Variants in TMEM196 observed in about 807,000 individuals in gnomAD.
TMEM196 encodes the protein transmembrane protein 196.
In TMEM196, 17 loss-of-function variants were observed where a neutral mutation model predicts 20.0. The observed-to-expected ratio is 0.85, with a 90% CI of 0.58 to 1.27. The LOEUF (loss-of-function observed/expected upper bound fraction) is 1.27, where lower values mean the gene tolerates loss of function less well. Among genes scored for constraint, TMEM196 ranks in the 50% most tolerant of loss-of-function variants. The pLI, the probability that TMEM196 is intolerant of heterozygous loss-of-function variation, is 0.00. For synonymous variants in TMEM196, 113 were observed against 88.9 expected (o/e 1.27, Z -1.52); for missense variants, 267 against 223.0 (o/e 1.20, Z -1.26).
intron 1 of TMEM196, among the ~76,000 whole-genome samples, chr7:19,754,014 G>T (rs971155276): frequency 6.6e-6 from 1 of 152,144 alleles, no homozygotes; most frequent in African/African-American, 2.4e-5. Context: ...ACTTTATTGT[G>T]TATTGAACTA....
intron 1 of TMEM196, among the ~76,000 whole-genome samples, chr7:19,766,030 A>AT (rs1366264482): frequency 6.6e-6 from 1 of 152,188 alleles, no homozygotes; most frequent in Non-Finnish European, 1.5e-5. Flanking sequence ...CTCTTACTCT[A>AT]TGCCAGGCCC....
chr7:19,725,416 T>G, intron 3 of TMEM196, 98 bp downstream of exon 3: 1 of 1,426,404 alleles, frequency 7.0e-7, no homozygotes, highest in Non-Finnish European at 9.4e-7. Flanking sequence ...AAAATCTGAT[T>G]CCTCAAATTG....
chr7:19,754,980 T>C (rs1279653195), intron 1 of TMEM196, among the ~76,000 whole-genome samples: 3 of 152,228 alleles, frequency 2.0e-5, no homozygotes, highest in Non-Finnish European at 4.4e-5. Context: ...TTTATAAGAA[T>C]AAGGAGACTA....
chr7:19,727,189 C>T (rs1784027377), intron 2 of TMEM196, among the ~76,000 whole-genome samples: 1 of 152,166 alleles, frequency 6.6e-6, no homozygotes, highest in Admixed American at 6.5e-5. Context: ...TACAATCAAT[C>T]ATTCATAATA....
chr7:19,735,446 C>T (rs1294853896), intron 1 of TMEM196, among the ~76,000 whole-genome samples: 1 of 152,192 alleles, frequency 6.6e-6, no homozygotes. Context: ...TGTCTCTCTT[C>T]TCTGTCTCCC....
At chr7:19,767,643 A>T (rs1185213406) in intron 1 of TMEM196, among the ~76,000 whole-genome samples, 1 of 152,072 alleles carries the variant, frequency 6.6e-6, no homozygotes, top group Non-Finnish European at 1.5e-5. Flanking sequence ...TTTATAAATT[A>T]CTTGTATAAT....
intron 2 of TMEM196, among the ~76,000 whole-genome samples, chr7:19,728,849 A>G (rs2128015286): frequency 6.6e-6 from 1 of 152,336 alleles, no homozygotes; most frequent in African/African-American, 2.4e-5. Flanking sequence ...GTACCATAAA[A>G]CATCTGAAAA....
At chr7:19,729,322 A>T in intron 2 of TMEM196, 60 bp downstream of exon 2, 1 of 1,441,364 alleles carries the variant, frequency 6.9e-7, no homozygotes, top group Non-Finnish European at 9.3e-7. Context: ...CATCATTTCT[A>T]TTTTAGAATT....
intron 2 of TMEM196, among the ~76,000 whole-genome samples, chr7:19,726,813 G>C (rs6946520): frequency 6.6e-6 from 1 of 151,858 alleles, no homozygotes; most frequent in Non-Finnish European, 1.5e-5. Flanking sequence ...ATGATACTTT[G>C]TACTATGATA....
At chr7:19,729,287 A>G in intron 2 of TMEM196, 95 bp downstream of exon 2, 1 of 955,814 alleles carries the variant, frequency 1.0e-6, no homozygotes. Context: ...AACTAGCAAT[A>G]TTCAGTATAT....
At chr7:19,735,686 G>A (rs1255371445) in intron 1 of TMEM196, among the ~76,000 whole-genome samples, 1 of 152,128 alleles carries the variant, frequency 6.6e-6, no homozygotes, top group East Asian at 1.9e-4. Flanking sequence ...GGCAGGGAGA[G>A]CAGGCAAGGT....
chr7:19,764,144 A>G (rs963188718), intron 1 of TMEM196, among the ~76,000 whole-genome samples: 41 of 152,210 alleles, frequency 2.7e-4, no homozygotes, highest in Admixed American at 2.6e-3. Flanking sequence ...TAGATTTGTG[A>G]TGGTAAATTT....
intron 4 of TMEM196, among the ~76,000 whole-genome samples, chr7:19,723,602 CAAATAGGCAT>C (rs1783885569): frequency 1.3e-5 from 2 of 152,050 alleles, no homozygotes; most frequent in South Asian, 4.1e-4. Context: ...AAAAAATTTG[CAAATAGGCAT>C]GCTTAATTTA....
At chr7:19,739,944 A>T (rs1306988663) in intron 1 of TMEM196, among the ~76,000 whole-genome samples, 1 of 151,324 alleles carries the variant, frequency 6.6e-6, no homozygotes, top group African/African-American at 2.5e-5. Context: ...TATCAAAATT[A>T]TACAGGTGTG....
chr7:19,764,120 C>G (rs1274500697), intron 1 of TMEM196, among the ~76,000 whole-genome samples: 1 of 152,192 alleles, frequency 6.6e-6, no homozygotes, highest in African/African-American at 2.4e-5. Context: ...AGGAATGACA[C>G]TTGAAAATGT....
chr7:19,744,590 A>G (rs79017122), intron 1 of TMEM196, among the ~76,000 whole-genome samples: 3,711 of 152,316 alleles, frequency 0.024, 70 homozygotes, highest in Middle Eastern at 0.065. Context: ...ACTGCACTCT[A>G]TCAATATCCC....
At position 19,773,464 on chromosome 7, in the gene TMEM196, G is replaced by T; in HGVS notation, c.-768C>A. 1 of 169,058 alleles carries T rather than the reference G, an allele frequency of 5.9e-6. No homozygotes were observed. 10.5% of individuals were successfully genotyped at this position (169,058 alleles called of 1,614,324 possible). ...GGGGTTTAGGAGGTTGACGGAGGAG[G>T]AAAAAGCCTAATGTATTTGTAGATC... On this transcript the variant is annotated 5_prime_UTR_variant, in exon 1 of 5. Transcript: ENST00000405844.
Position 19,729,879 on chromosome 7 carries a change from A to C in TMEM196, c.148-441T>G, listed in dbSNP as rs1472870791. Among the ~76,000 whole-genome samples, 2 of 152,182 alleles carry C rather than the reference A, an allele frequency of 1.3e-5. 1 individual carries two copies. The highest frequency in any genetic ancestry group is 2.9e-5 in the Non-Finnish European group (2 of 68,018). Reference sequence around the variant, plus strand: ...CAGACAAGGAGATGATTCTCTATAGAGATACTCTTTGTACCACTCCAATTG... The same window carrying C: ...CAGACAAGGAGATGATTCTCTATAGCGATACTCTTTGTACCACTCCAATTG... On this transcript the variant is annotated intron_variant, in intron 1 of 4. Coordinates refer to ENST00000405844, the MANE Select transcript of TMEM196 (RefSeq NM_001363562.2).
At chr7:19,770,064 T>C (rs1785806078) in intron 1 of TMEM196, among the ~76,000 whole-genome samples, 1 of 152,206 alleles carries the variant, frequency 6.6e-6, no homozygotes, top group African/African-American at 2.4e-5. Context: ...GATCTTACAC[T>C]GTGAAGCATT....
Sources: gnomAD v4.1 joint callset for allele counts (sites outside exome capture counted in the v4.1 genomes callset) on GRCh38, gnomAD v4.1.1 for gene constraint, MANE v1.5 for transcripts, NCBI Gene and HGNC (gene_info 2026-07-23, HGNC 2026-07-21) for gene names.